The following GGT1 variants were observed in gnomAD, a reference collection of about 807,000 sequenced individuals.
GGT1 encodes the protein gamma-glutamyltransferase 1.
A neutral mutation model predicts 56.0 loss-of-function variants in GGT1; 21 were observed. The observed-to-expected ratio is 0.38, with a 90% CI of 0.27 to 0.54. GGT1 has a LOEUF of 0.54. Ranked by LOEUF, GGT1 falls within the 20% of genes least tolerant of loss-of-function variation. The pLI, the probability that GGT1 is intolerant of heterozygous loss-of-function variation, is 0.82. For synonymous variants in GGT1, 238 were observed against 342.6 expected, an observed-to-expected ratio of 0.69 and a Z score of 3.37; for missense variants, 466 against 787.0, an observed-to-expected ratio of 0.59 and a Z score of 4.88.
chr22:24,628,537 C>T lies in GGT1; in HGVS notation c.1563+149C>T. 1.0e-6 allele frequency: 1 copy of T among 981,540 alleles called. No individual in the cohort carries two copies. The highest frequency in any genetic ancestry group is 1.6e-5 in the South Asian group (1 of 62,654). 60.8% of individuals were successfully genotyped at this position (981,540 alleles called of 1,614,324 possible). On this transcript the variant is annotated intron_variant, in intron 15 of 15. Coordinates refer to ENST00000400382, the MANE Select transcript of GGT1 (RefSeq NM_001288833.2). The surrounding 1 kb of genome is among the most constrained non-coding windows in gnomAD (Gnocchi z 5.7). ...GAGCCCCTGTGCCATGAGGGCCAAG[C>T]CCCCTGCTCCAGTGAGACCCAGCAG...
chr22:24,588,253 T>C, the GGT1 span: 1 of 1,613,468 alleles, frequency 6.2e-7, no homozygotes, highest in East Asian at 2.2e-5. Context: ...GGACCCTTGC[T>C]GCTGCTTCGA....
chr22:24,589,827 G>A, upstream of GGT1: 1 of 1,612,538 alleles, frequency 6.2e-7, no homozygotes, highest in Non-Finnish European at 8.5e-7. Context: ...TCACCTTCTT[G>A]GGGCACTGCA....
chr22:24,624,382 C>G (rs1431666610), intron 11 of GGT1: 1 of 985,184 alleles, frequency 1.0e-6, no homozygotes, highest in African/African-American at 1.7e-5. Flanking sequence ...CACTGGGTCC[C>G]TATAAGACCC....
intron 1 of GGT1, among the ~76,000 whole-genome samples, chr22:24,606,119 A>AT (rs2046309170): frequency 7.7e-6 from 1 of 129,708 alleles, no homozygotes; most frequent in Non-Finnish European, 1.6e-5. Context: ...TATATCATAT[A>AT]AATATATTAT....
upstream of GGT1, chr22:24,592,844 G>A (rs559553917): frequency 1.4e-4 from 177 of 1,276,136 alleles, 2 homozygotes; most frequent in Middle Eastern, 2.1e-3. Flanking sequence ...GCCCAGGGGC[G>A]GACGGCTCCT....
chr22:24,601,908 T>C (rs867674054), upstream of GGT1, among the ~76,000 whole-genome samples: 3 of 152,308 alleles, frequency 2.0e-5, no homozygotes, highest in South Asian at 6.2e-4. Flanking sequence ...CACTCCCTTC[T>C]TCCCATGACC....
chr22:24,615,489 T>G (rs554861370), intron 7 of GGT1, among the ~76,000 whole-genome samples: 2 of 152,316 alleles, frequency 1.3e-5, no homozygotes, highest in South Asian at 2.1e-4. Flanking sequence ...GGCTAGGGGA[T>G]GCTGTGTGGA....
intron 5 of GGT1, among the ~76,000 whole-genome samples, chr22:24,611,773 T>TGTGTG (rs763983592): frequency 7.6e-6 from 1 of 130,910 alleles, no homozygotes; most frequent in Admixed American, 8.0e-5. Flanking sequence ...CCCAACAAAT[T>TGTGTG]TGTGTGTGTG....
At chr22:24,617,381 G>A (rs559075027) in intron 7 of GGT1, among the ~76,000 whole-genome samples, 2 of 152,294 alleles carry the variant, frequency 1.3e-5, no homozygotes, top group South Asian at 4.1e-4. Context: ...GGGGGCTCGT[G>A]GAGTATGTGA....
Position 24,628,054 on chromosome 22 carries a change from A to C in GGT1, c.1337-27A>C. On this transcript the variant is annotated intron_variant, in intron 13 of 15. Coordinates refer to ENST00000400382, the MANE Select transcript of GGT1 (RefSeq NM_001288833.2). This position sits in a 1 kb window ranked among gnomAD's most constrained non-coding sequence, Gnocchi z 5.7. ...TGTCCTGGGCAGGCAGCTGACGGGC[A>C]TCCCTGTCTTCTCCCATCGGCCGCA... 1 of 1,611,470 alleles carries C rather than the reference A, an allele frequency of 6.2e-7. No homozygotes were observed. Among genetic ancestry groups the C allele is most frequent in the Non-Finnish European group, 8.5e-7 (1 of 1,179,714 alleles).
chr22:24,606,535 C>T (rs544949798), intron 1 of GGT1, among the ~76,000 whole-genome samples: 2 of 152,332 alleles, frequency 1.3e-5, no homozygotes, highest in East Asian at 3.9e-4. Context: ...TTCCTGTTGG[C>T]TGTCTAGCCT....
At chr22:24,591,035 C>G (rs1013025390), upstream of GGT1, among the ~76,000 whole-genome samples, 6 of 152,254 alleles carry the variant, frequency 3.9e-5, no homozygotes, top group African/African-American at 1.4e-4. Flanking sequence ...ACTTTCTCCT[C>G]CTGTCTACTC....
chr22:24,610,482 C>G lies in GGT1; in HGVS notation c.-57C>G, dbSNP rs2046580682. 6.1e-6 allele frequency: 1 copy of G among 163,414 alleles called. No homozygotes were observed. Among genetic ancestry groups the G allele is most frequent in the African/African-American group, 2.4e-5 (1 of 41,472 alleles). The allele number at this position is 163,414 out of a possible 1,614,324, so 10.1% of individuals were successfully genotyped here. On this transcript the variant is annotated 5_prime_UTR_variant, in exon 4 of 16. Coordinates refer to ENST00000400382, the MANE Select transcript of GGT1 (RefSeq NM_001288833.2). ...ATTTCCACCAAATCCTCCTGTCTTT[C>G]GTGGCCAACACCCCAGGCAAGGCTT...
rs1322899433 is a variant in GGT1 at position 24,620,347 on chromosome 22, G to A, written c.402G>A (p.Val134=). 2.5e-6 allele frequency: 4 copies of A among 1,611,722 alleles called. No homozygotes were observed. The highest frequency in any genetic ancestry group is 1.3e-5 in the African/African-American group (1 of 74,986). Residue 134 remains valine, a synonymous_variant, in exon 8 of 16, where the codon GTG becomes GTA. Coordinates refer to ENST00000400382, the MANE Select transcript of GGT1 (RefSeq NM_001288833.2). The surrounding 1 kb of genome is among the most constrained non-coding windows in gnomAD (Gnocchi z 5.6). ...QSQKGGLSVA[V]PGEIRGYELA... ...CCCCAGGGGGGCTGTCGGTGGCGGT[G>A]CCTGGGGAGATCCGAGGCTATGAGC...
In GGT1 at chr22:24,615,023, A is replaced by C; in HGVS notation, c.296-18A>C. On this transcript the variant is annotated intron_variant, in intron 6 of 15. Transcript: ENST00000400382. ...AGGGTTTGGGTGGGCGGGCCTGCCT[A>C]CCTGCTTCTCCTTCTAGGAAAAGCT... 2 of 1,607,286 alleles carry C rather than the reference A, an allele frequency of 1.2e-6. No homozygotes were observed. Among genetic ancestry groups the C allele is most frequent in the Non-Finnish European group, 1.7e-6 (2 of 1,175,528 alleles).
intron 5 of GGT1, among the ~76,000 whole-genome samples, chr22:24,611,514 C>T (rs556110431): frequency 2.0e-4 from 27 of 136,772 alleles, no homozygotes; most frequent in South Asian, 1.2e-3. Flanking sequence ...CTTATTTCTT[C>T]CTATCTATCT....
intron 7 of GGT1, among the ~76,000 whole-genome samples, chr22:24,619,613 C>T (rs2047286323): frequency 1.3e-5 from 2 of 152,104 alleles, no homozygotes; most frequent in South Asian, 4.1e-4. Flanking sequence ...GATGGAGAAA[C>T]TGAGGCTGGG....
In GGT1 at chr22:24,620,944, C is replaced by T. The variant is rs199703506; in HGVS notation, c.607C>T (p.Arg203Trp). 6.2e-7 allele frequency: 1 copy of T among 1,611,948 alleles called. No individual in the cohort carries two copies. The change falls in exon 9 of 16, where the codon CGG becomes TGG. Residue 203 changes from arginine to tryptophan, a missense_variant. Transcript: ENST00000400382. This position sits in a 1 kb window ranked among gnomAD's most constrained non-coding sequence, Gnocchi z 5.6. ...GTTCTGCCGGGATAGAAAGGTGCTT[C>T]GGGAGGGGGAGAGACTGACCCTGCC... Reference protein sequence around the residue: ...EVFCRDRKVLREGERLTLPQL... With the variant: ...EVFCRDRKVLWEGERLTLPQL...
At chr22:24,606,721 G>C (rs2046344473) in intron 1 of GGT1, among the ~76,000 whole-genome samples, 1 of 152,150 alleles carries the variant, frequency 6.6e-6, no homozygotes, top group Non-Finnish European at 1.5e-5. Context: ...TTTGAGAGCA[G>C]TGGATGACAG....
Sources: gnomAD v4.1 joint callset for allele counts (sites outside exome capture counted in the v4.1 genomes callset) on GRCh38, gnomAD v4.1.1 for gene constraint, Gnocchi (gnomAD v3.1) non-coding constraint, MANE v1.5 for transcripts, NCBI Gene and HGNC (gene_info 2026-07-23, HGNC 2026-07-21) for gene names.